The following RWDD1 variants were observed in gnomAD, a reference collection of about 807,000 sequenced individuals.
RWDD1 encodes RWD domain containing 1, also known as RWD domain-containing protein 1.
In RWDD1, 17 loss-of-function variants were observed where a neutral mutation model predicts 31.6. The ratio of observed to expected loss-of-function variants is 0.54; its 90% CI spans 0.37 to 0.81. The LOEUF (loss-of-function observed/expected upper bound fraction) is 0.81. Ranked by LOEUF, RWDD1 falls within the 30% of genes least tolerant of loss-of-function variation. RWDD1 has a pLI of 0.00. For synonymous variants in RWDD1, 78 were observed against 94.2 expected (o/e 0.83, Z 0.99); for missense variants, 204 against 274.5 (o/e 0.74, Z 1.82).
At chr6:116,572,790 G>A in intron 1 of RWDD1, 1 of 970,312 alleles carries the variant, frequency 1.0e-6, no homozygotes, top group South Asian at 4.8e-5. Flanking sequence ...GTTTAGCTTA[G>A]TTTTCTTGGC....
intron 5 of RWDD1, 87 bp downstream of exon 5, chr6:116,590,491 T>C: frequency 6.9e-7 from 1 of 1,444,844 alleles, no homozygotes; most frequent in South Asian, 1.6e-5. Context: ...CAGATTTCTG[T>C]AAGAAAATAA....
chr6:116,573,229 T>G (rs1357267252), intron 1 of RWDD1, among the ~76,000 whole-genome samples: 1 of 152,248 alleles, frequency 6.6e-6, no homozygotes, highest in Admixed American at 6.5e-5. Context: ...TTTATAAAAC[T>G]GATATCTTTT....
At chr6:116,587,430 C>T (rs1487590481) in intron 3 of RWDD1, among the ~76,000 whole-genome samples, 2 of 152,090 alleles carry the variant, frequency 1.3e-5, no homozygotes, top group African/African-American at 4.8e-5. Flanking sequence ...ATTGTTTCTC[C>T]TAGAACTTCT....
chr6:116,577,760 T>G (rs538507313), intron 1 of RWDD1, among the ~76,000 whole-genome samples: 369 of 152,210 alleles, frequency 2.4e-3, no homozygotes, highest in Non-Finnish European at 4.1e-3. Context: ...CTCCTTTCAT[T>G]TTATGTGCTG....
intron 1 of RWDD1, among the ~76,000 whole-genome samples, chr6:116,573,666 A>G (rs1364738081): frequency 6.6e-6 from 1 of 152,092 alleles, no homozygotes; most frequent in Non-Finnish European, 1.5e-5. Flanking sequence ...TTATGATTCC[A>G]TACTTTTGTA....
chr6:116,591,033 G>T, intron 6 of RWDD1, 83 bp downstream of exon 6: 1 of 1,471,134 alleles, frequency 6.8e-7, no homozygotes, highest in Non-Finnish European at 8.9e-7. Flanking sequence ...AGCCAAGGCA[G>T]GAGGATTGCT....
rs1775241922 is a variant in RWDD1 at position 116,596,564 on chromosome 6, A to T, written c.*3463A>T. ...TGTTTTTAATTTTACATCTAAAACT[A>T]ATTTGCATTATCCTGTGTTAGTGAC... On this transcript the variant is annotated 3_prime_UTR_variant, in exon 7 of 7. Transcript: ENST00000466444. 1 of 152,180 alleles carries T rather than the reference A, an allele frequency of 6.6e-6. No homozygotes were observed. Among genetic ancestry groups the T allele is most frequent in the Non-Finnish European group, 1.5e-5 (1 of 68,020 alleles). The allele number at this position is 152,180 out of a possible 1,614,324, so 9.4% of individuals were successfully genotyped here.
chr6:116,577,041 A>T (rs555128218), intron 1 of RWDD1, among the ~76,000 whole-genome samples: 1 of 152,322 alleles, frequency 6.6e-6, no homozygotes, highest in East Asian at 1.9e-4. Flanking sequence ...TCAGATTCTA[A>T]TAGGTAGGGT....
chr6:116,589,020 C>A (rs966523346), intron 4 of RWDD1, 35 bp downstream of exon 4: 12 of 1,228,596 alleles, frequency 9.8e-6, no homozygotes, highest in Non-Finnish European at 1.2e-5. Flanking sequence ...TTTATTATTT[C>A]TTAAATCAGT....
At chr6:116,585,712 C>T (rs749095978) in intron 3 of RWDD1, among the ~76,000 whole-genome samples, 1 of 152,112 alleles carries the variant, frequency 6.6e-6, no homozygotes, top group Non-Finnish European at 1.5e-5. Flanking sequence ...GAAGATATAT[C>T]AGATAGGAAT....
chr6:116,580,785 G>C (rs1284866516), intron 2 of RWDD1, among the ~76,000 whole-genome samples: 1 of 151,978 alleles, frequency 6.6e-6, no homozygotes, highest in Non-Finnish European at 1.5e-5. Flanking sequence ...AATGGGGCTG[G>C]ATATATGTCT....
In RWDD1 at chr6:116,593,671, T is replaced by G. The variant is rs1199748457; in HGVS notation, c.*570T>G. ...GGTAATTTATAAAAGGTTTGCCGGGTGCGGTGGCTCACGCCTGTAATCCCA... is the reference window on the plus strand; with the variant it reads ...GGTAATTTATAAAAGGTTTGCCGGGGGCGGTGGCTCACGCCTGTAATCCCA... On this transcript the variant is annotated 3_prime_UTR_variant, in exon 7 of 7. Coordinates refer to ENST00000466444, the MANE Select transcript of RWDD1 (RefSeq NM_015952.4). The G allele has an allele frequency of 6.6e-6, 1 of 152,320 alleles. No individual in the cohort carries two copies. Among genetic ancestry groups the G allele is most frequent in the Non-Finnish European group, 1.5e-5 (1 of 68,176 alleles). 9.4% of individuals were successfully genotyped at this position (152,320 alleles called of 1,614,324 possible).
At chr6:116,579,543 G>A (rs1183158934) in intron 1 of RWDD1, among the ~76,000 whole-genome samples, 1 of 152,178 alleles carries the variant, frequency 6.6e-6, no homozygotes, top group East Asian at 1.9e-4. Context: ...TGATCTAGGA[G>A]CTCTCATAGA....
chr6:116,580,502 C>A, intron 2 of RWDD1, 142 bp downstream of exon 2: 1 of 473,492 alleles, frequency 2.1e-6, no homozygotes, highest in Admixed American at 3.7e-5. Context: ...TATTTCTAGT[C>A]AGAATTTACT....
In RWDD1 at chr6:116,594,851, A is replaced by C. The variant is rs1775216166; in HGVS notation, c.*1750A>C. 6.6e-6 allele frequency: 1 copy of C among 152,234 alleles called. No homozygotes were observed. The highest frequency in any genetic ancestry group is 2.1e-4 in the South Asian group (1 of 4,830). The allele number at this position is 152,234 out of a possible 1,614,324, so 9.4% of individuals were successfully genotyped here. On this transcript the variant is annotated 3_prime_UTR_variant, in exon 7 of 7. Transcript: ENST00000466444. Reference sequence around the variant, plus strand: ...TAAAAAATACATATGCCACATACCCACAAACAGCAATATTAAGCCTTCATT... The same window carrying C: ...TAAAAAATACATATGCCACATACCCCCAAACAGCAATATTAAGCCTTCATT...
chr6:116,577,834 T>C (rs1453475009), intron 1 of RWDD1, among the ~76,000 whole-genome samples: 1 of 152,170 alleles, frequency 6.6e-6, no homozygotes, highest in East Asian at 1.9e-4. Context: ...AAAAAAAAGA[T>C]TGTGCGCAAC....
intron 2 of RWDD1, among the ~76,000 whole-genome samples, chr6:116,584,149 A>T (rs912017903): frequency 2.0e-5 from 3 of 152,232 alleles, no homozygotes; most frequent in Non-Finnish European, 4.4e-5. Flanking sequence ...TTACTTCCGT[A>T]CAAGTGTGAG....
At chr6:116,577,690 T>C (rs534611739) in intron 1 of RWDD1, among the ~76,000 whole-genome samples, 1 of 152,248 alleles carries the variant, frequency 6.6e-6, no homozygotes, top group East Asian at 1.9e-4. Flanking sequence ...CAGGACCTTA[T>C]TACCTTTGCC....
intron 1 of RWDD1, among the ~76,000 whole-genome samples, chr6:116,576,654 T>G (rs1354684090): frequency 6.6e-6 from 1 of 152,170 alleles, no homozygotes; most frequent in Non-Finnish European, 1.5e-5. Flanking sequence ...TTTTTTAGGA[T>G]CTCAGCTTGG....
Sources: gnomAD v4.1 joint callset for allele counts (sites outside exome capture counted in the v4.1 genomes callset) on GRCh38, gnomAD v4.1.1 for gene constraint, MANE v1.5 for transcripts, NCBI Gene and HGNC (gene_info 2026-07-23, HGNC 2026-07-21) for gene names.